The following GABRA4 variants were observed in gnomAD, a reference collection of about 807,000 sequenced individuals.
The protein encoded by GABRA4 is gamma-aminobutyric acid receptor subunit alpha-4.
A neutral mutation model predicts 49.7 loss-of-function variants in GABRA4; 12 were observed. The observed-to-expected ratio is 0.24, with a 90% confidence interval of 0.15 to 0.39. GABRA4 has a LOEUF of 0.39. GABRA4 is among the 10% of genes least tolerant of loss of function. The pLI, the probability that GABRA4 is intolerant of heterozygous loss-of-function variation, is 1.00. For synonymous variants in GABRA4, 288 were observed against 240.2 expected, an observed-to-expected ratio of 1.20 and a Z score of -1.84; for missense variants, 506 against 686.0, an observed-to-expected ratio of 0.74 and a Z score of 2.93.
At chr4:46,961,935 C>T (rs1722591026) in intron 8 of GABRA4, among the ~76,000 whole-genome samples, 1 of 151,808 alleles carries the variant, frequency 6.6e-6, no homozygotes, top group Non-Finnish European at 1.5e-5. Context: ...CAGTTGGACT[C>T]CATGAAGAAA....
chr4:46,928,430 T>G lies in GABRA4; in HGVS notation c.1460A>C (p.Lys487Thr). 1 of 1,613,652 alleles carries G rather than the reference T, an allele frequency of 6.2e-7. No individual in the cohort carries two copies. The highest frequency in any genetic ancestry group is 8.5e-7 in the Non-Finnish European group (1 of 1,179,676). Residue 487 changes from lysine (K) to threonine (T), a missense_variant, in exon 9 of 9, where the codon AAG becomes ACG. Coordinates refer to ENST00000264318, the MANE Select transcript of GABRA4 (RefSeq NM_000809.4). Reference sequence around the variant, plus strand: ...AGCCCCTATGGTATTAACTGTGGTCTTTATCCTCTGCAGTCTTGATCCAAA... The same window carrying G: ...AGCCCCTATGGTATTAACTGTGGTCGTTATCCTCTGCAGTCTTGATCCAAA... ...HVFGSRLQRI[K>T]TTVNTIGATG...
At chr4:46,972,908 A>C (rs968364718) in intron 6 of GABRA4, among the ~76,000 whole-genome samples, 2 of 151,708 alleles carry the variant, frequency 1.3e-5, no homozygotes, top group Non-Finnish European at 2.9e-5. Flanking sequence ...TCTTTGCTCC[A>C]GATCTTAAAA....
intron 7 of GABRA4, among the ~76,000 whole-genome samples, 183 bp from the exon 8 acceptor site, chr4:46,965,412 C>T (rs950438986): frequency 3.3e-5 from 5 of 151,842 alleles, no homozygotes; most frequent in Non-Finnish European, 5.9e-5. Context: ...TTAGCACAGG[C>T]TTTGGAGTGA....
intron 8 of GABRA4, among the ~76,000 whole-genome samples, chr4:46,933,758 A>C (rs1721518666): frequency 1.3e-5 from 2 of 152,160 alleles, no homozygotes; most frequent in African/African-American, 2.4e-5. Flanking sequence ...TGGTTCTATC[A>C]TGATTTAGCT....
At chr4:46,941,771 A>G (rs1337811427) in intron 8 of GABRA4, among the ~76,000 whole-genome samples, 1 of 152,112 alleles carries the variant, frequency 6.6e-6, no homozygotes, top group Non-Finnish European at 1.5e-5. Flanking sequence ...TCTTGGAGCA[A>G]CACTAAGAAC....
chr4:46,977,562 A>G lies in GABRA4; in HGVS notation c.342T>C (p.Ile114=), dbSNP rs141943997. 1.9e-6 allele frequency: 3 copies of G among 1,613,158 alleles called. No homozygotes were observed. Among genetic ancestry groups the G allele is most frequent in the Admixed American group, 3.3e-5 (2 of 59,932 alleles). Residue 114 remains isoleucine, a synonymous_variant, in exon 4 of 9, where the codon ATT becomes ATC. Transcript: ENST00000264318. ...TCATATTGTTCAATCTCAAAATTTCAATGGGGCCGTCATATTTTAATCTTT... is the reference window on the plus strand; with the variant it reads ...TCATATTGTTCAATCTCAAAATTTCGATGGGGCCGTCATATTTTAATCTTT... ...IDKRLKYDGP[I]EILRLNNMMV...
intron 8 of GABRA4, among the ~76,000 whole-genome samples, chr4:46,938,314 G>T (rs182001656): frequency 1.1e-3 from 170 of 152,150 alleles, no homozygotes; most frequent in African/African-American, 3.9e-3. Context: ...CAATGAAATT[G>T]TGCTATGATG....
At chr4:46,963,912 T>C (rs923792029) in intron 8 of GABRA4, among the ~76,000 whole-genome samples, 7 of 151,832 alleles carry the variant, frequency 4.6e-5, no homozygotes, top group Non-Finnish European at 8.8e-5. Flanking sequence ...CTACTGGGTG[T>C]ATACCCAAAA....
intron 8 of GABRA4, among the ~76,000 whole-genome samples, chr4:46,929,579 C>A (rs1721355858): frequency 6.6e-6 from 1 of 151,990 alleles, no homozygotes; most frequent in Admixed American, 6.6e-5. Context: ...CAGTAAACCA[C>A]TAAAATTCTT....
intron 2 of GABRA4, among the ~76,000 whole-genome samples, chr4:46,981,310 G>A (rs907058897): frequency 9.9e-5 from 15 of 152,148 alleles, no homozygotes; most frequent in East Asian, 9.7e-4. Flanking sequence ...GTGTGTGGGC[G>A]TATGCTAATT....
In GABRA4 at chr4:46,921,911, A is replaced by G. The variant is rs1384829974; in HGVS notation, c.*6314T>C. The G allele has an allele frequency of 6.6e-6, 1 of 152,152 alleles. No individual in the cohort carries two copies. The highest frequency in any genetic ancestry group is 1.5e-5 in the Non-Finnish European group (1 of 68,018). 9.4% of individuals were successfully genotyped at this position (152,152 alleles called of 1,614,324 possible). A position where few individuals can be genotyped will look rare whatever the true frequency, so the allele number is the denominator to read the frequency against. On this transcript the variant is annotated 3_prime_UTR_variant, in exon 9 of 9. Coordinates refer to ENST00000264318, the MANE Select transcript of GABRA4 (RefSeq NM_000809.4). ...GGAGAAAGGAAATTGACTGGCATATATCTTGGGCAGGATGTAGATTTCAAT... is the reference window on the plus strand; with the variant it reads ...GGAGAAAGGAAATTGACTGGCATATGTCTTGGGCAGGATGTAGATTTCAAT...
chr4:46,992,664 G>T, intron 2 of GABRA4, 164 bp downstream of exon 2: 1 of 623,246 alleles, frequency 1.6e-6, no homozygotes. Flanking sequence ...ACGGGTGGAG[G>T]CGGTCTTCTT....
rs1721053127 is a variant in GABRA4 at position 46,922,051 on chromosome 4, A to G, written c.*6174T>C. 1 of 152,154 alleles carries G rather than the reference A, an allele frequency of 6.6e-6. No individual in the cohort carries two copies. Among genetic ancestry groups the G allele is most frequent in the Admixed American group, 6.6e-5 (1 of 15,260 alleles). 9.4% of individuals were successfully genotyped at this position (152,154 alleles called of 1,614,324 possible). A position where few individuals can be genotyped will look rare whatever the true frequency, so the allele number is the denominator to read the frequency against. On this transcript the variant is annotated 3_prime_UTR_variant, in exon 9 of 9. Transcript: ENST00000264318. ...ATCTGTCTTCATACGATTTTACTATATACTTCCGAATAGTGGAATGTAGAG... is the reference window on the plus strand; with the variant it reads ...ATCTGTCTTCATACGATTTTACTATGTACTTCCGAATAGTGGAATGTAGAG...
Position 46,954,556 on chromosome 4 carries a change from CAAAAAAA to C in GABRA4, c.1134+10407_1134+10413del, listed in dbSNP as rs60422399. On this transcript the variant is annotated intron_variant, in intron 8 of 8. Transcript: ENST00000264318. The stretch of plus-strand genomic sequence containing the variant: ...TGGGCAACAATAGTGAAACGCCATC[CAAAAAAA>C]AAAAAAAAAAGAGTGCAGAGCAAAC... 2.5e-3 allele frequency among the ~76,000 whole-genome samples: 226 copies of C among 88,854 alleles called. 1 individual carries two copies. The highest frequency in any genetic ancestry group is 8.7e-3 in the African/African-American group (215 of 24,626). 58.3% of individuals were successfully genotyped at this position (88,854 alleles called of 152,430 possible).
intron 7 of GABRA4, among the ~76,000 whole-genome samples, chr4:46,966,204 G>A (rs907773603): frequency 1.3e-5 from 2 of 151,682 alleles, no homozygotes; most frequent in African/African-American, 4.8e-5. Context: ...AAATTTTTGT[G>A]AGGATTTGCT....
intron 2 of GABRA4, among the ~76,000 whole-genome samples, chr4:46,987,100 T>G (rs1723570344): frequency 6.6e-6 from 1 of 152,148 alleles, no homozygotes; most frequent in African/African-American, 2.4e-5. Flanking sequence ...CCAGTCACTT[T>G]TGATCTGACT....
At chr4:46,936,280 G>A (rs899134575) in intron 8 of GABRA4, among the ~76,000 whole-genome samples, 4 of 151,888 alleles carry the variant, frequency 2.6e-5, no homozygotes, top group African/African-American at 4.8e-5. Flanking sequence ...ACAGAGTTTC[G>A]CTCTTGTTGC....
At chr4:46,964,266 A>C (rs769529154) in intron 8 of GABRA4, among the ~76,000 whole-genome samples, 6 of 151,932 alleles carry the variant, frequency 3.9e-5, no homozygotes, top group Non-Finnish European at 7.4e-5. Context: ...GAGACTGGGA[A>C]GGGTAGCGGG....
In GABRA4 at chr4:46,927,607, CA is replaced by C. The variant is rs1264305387; in HGVS notation, c.*617del. On this transcript the variant is annotated 3_prime_UTR_variant, in exon 9 of 9. Coordinates refer to ENST00000264318, the MANE Select transcript of GABRA4 (RefSeq NM_000809.4). The stretch of plus-strand genomic sequence containing the variant: ...AACTTTGGCTCAGAGAACAAAATTT[CA>C]AGTCAACTGTTAAGTACTGTTTAGC... 1 of 152,452 alleles carries C rather than the reference CA, an allele frequency of 6.6e-6. No homozygotes were observed. Among genetic ancestry groups the C allele is most frequent in the African/African-American group, 2.4e-5 (1 of 41,426 alleles). 9.4% of individuals were successfully genotyped at this position (152,452 alleles called of 1,614,324 possible). A position where few individuals can be genotyped will look rare whatever the true frequency, so the allele number is the denominator to read the frequency against.
Sources: gnomAD v4.1 joint callset for allele counts (sites outside exome capture counted in the v4.1 genomes callset) on GRCh38, gnomAD v4.1.1 for gene constraint, MANE v1.5 for transcripts, NCBI Gene and HGNC (gene_info 2026-07-23, HGNC 2026-07-21) for gene names.